Variants in PIF1 observed in about 807,000 individuals in gnomAD.
The protein encoded by PIF1 is PIF1 5'-to-3' DNA helicase.
Under a neutral mutation model 62.3 loss-of-function variants are expected in PIF1, and 67 were observed. That is an observed-to-expected ratio of 1.08 (90% CI 0.88 to 1.32). PIF1 has a LOEUF of 1.32. Ranked by LOEUF, PIF1 falls within the 40% of genes most tolerant of loss-of-function variation. The probability of loss-of-function intolerance (pLI) is 0.00; values close to 1 mark genes in which losing one functional copy is unlikely to be tolerated. For missense variants in PIF1, 886 were observed against 866.1 expected (o/e 1.02, Z -0.29); for synonymous variants, 364 against 379.5 (o/e 0.96, Z 0.47).
rs2084337808 is a variant in PIF1 at position 64,824,353 on chromosome 15, G to A, written c.-18C>T. 12 of 1,245,038 alleles carry A rather than the reference G, an allele frequency of 9.6e-6. No homozygotes were observed. Among genetic ancestry groups the A allele is most frequent in the Non-Finnish European group, 1.2e-5 (12 of 994,202 alleles). The allele number at this position is 1,245,038 out of a possible 1,614,324, so 77.1% of individuals were successfully genotyped here. On this transcript the variant is annotated splice_region_variant and 5_prime_UTR_variant, in exon 2 of 13. Coordinates refer to ENST00000559239, the MANE Select transcript of PIF1 (RefSeq NM_001286496.2). ...GAGAGCATCGTCACCGCCTCTGCTG[G>A]TCTGCGAAGACACCGGAGCACAGGG...
In PIF1 at chr15:64,823,968, T is replaced by C; in HGVS notation, c.368A>G (p.Lys123Arg). The C allele has an allele frequency of 7.7e-7, 1 of 1,303,848 alleles. No individual in the cohort carries two copies. The highest frequency in any genetic ancestry group is 9.8e-7 in the Non-Finnish European group (1 of 1,025,066). The allele number at this position is 1,303,848 out of a possible 1,614,324, so 80.8% of individuals were successfully genotyped here. A position where few individuals can be genotyped will look rare whatever the true frequency, so the allele number is the denominator to read the frequency against. The change falls in exon 2 of 13, where the codon AAG (lysine) becomes AGG (arginine). Residue 123 changes from lysine to arginine, a missense_variant. Lys to Arg is a conservative substitution (Grantham distance 26). Transcript: ENST00000559239. ...CCCGGGACCCGGGGCCGCAGCCAGC[T>C]TGAGGCGCAATGTGCGCAGGAAGCG... ...LRRFLRTLRL[K>R]LAAAPGPGPA... is the part of the protein sequence containing the mutation.
intron 9 of PIF1, chr15:64,818,896 C>A: frequency 2.3e-6 from 1 of 442,828 alleles, no homozygotes; most frequent in Non-Finnish European, 3.9e-6. Context: ...AAGAAATTTG[C>A]CCAAAACAAC....
intron 4 of PIF1, 136 bp downstream of exon 4, chr15:64,822,130 C>G: frequency 8.7e-7 from 1 of 1,149,780 alleles, no homozygotes; most frequent in Non-Finnish European, 1.2e-6. Context: ...CCACCTTGGC[C>G]TCCTAAAGTT....
intron 1 of PIF1, among the ~76,000 whole-genome samples, chr15:64,824,606 G>A (rs988878251): frequency 3.3e-5 from 5 of 151,992 alleles, no homozygotes; most frequent in Non-Finnish European, 7.4e-5. Context: ...AGCACTTTGG[G>A]AGGCTAAAGT....
At chr15:64,819,709 A>G in intron 8 of PIF1, 138 bp downstream of exon 8, 1 of 1,140,012 alleles carries the variant, frequency 8.8e-7, no homozygotes, top group Non-Finnish European at 1.2e-6. Context: ...TCAAAGTCAC[A>G]GTTGCATTTG....
In PIF1 at chr15:64,815,917, C is replaced by T; in HGVS notation, c.*381G>A. ...AAGAGCCCTGATGCTGCTTCCGGAG[C>T]ACCTGTCTTCATTGCCTCTCCCTTC... On this transcript the variant is annotated 3_prime_UTR_variant, in exon 13 of 13. Transcript: ENST00000559239. The T allele has an allele frequency of 6.4e-7, 1 of 1,550,456 alleles. No homozygotes were observed. Among genetic ancestry groups the T allele is most frequent in the Non-Finnish European group, 8.7e-7 (1 of 1,146,932 alleles).
chr15:64,826,665 T>TATATATATATATATATATACACAC (rs796684934), upstream of PIF1, among the ~76,000 whole-genome samples: 2 of 42,792 alleles, frequency 4.7e-5, no homozygotes, highest in Non-Finnish European at 8.5e-5. Flanking sequence ...TATATATATA[T>TATATATATATATATATATACACAC]ACACACACAC....
chr15:64,816,055 A>C lies in PIF1; in HGVS notation c.*243T>G. 1 of 1,461,786 alleles carries C rather than the reference A, an allele frequency of 6.8e-7. No homozygotes were observed. The highest frequency in any genetic ancestry group is 1.4e-5 in the African/African-American group (1 of 70,536). 90.6% of individuals were successfully genotyped at this position (1,461,786 alleles called of 1,614,324 possible). A position where few individuals can be genotyped will look rare whatever the true frequency, so the allele number is the denominator to read the frequency against. Reference sequence around the variant, plus strand: ...ACAGGCTCATTCTCAACTGGCACAGAAAGGGTTACTTCTGACCCTACAGCA... The same window carrying C: ...ACAGGCTCATTCTCAACTGGCACAGCAAGGGTTACTTCTGACCCTACAGCA... On this transcript the variant is annotated 3_prime_UTR_variant, in exon 13 of 13. Coordinates refer to ENST00000559239, the MANE Select transcript of PIF1 (RefSeq NM_001286496.2).
rs1463808983 is a variant in PIF1 at position 64,824,086 on chromosome 15, C to G, written c.250G>C (p.Gly84Arg). 3.9e-6 allele frequency: 5 copies of G among 1,267,024 alleles called. No homozygotes were observed. Among genetic ancestry groups the G allele is most frequent in the South Asian group, 5.6e-5 (2 of 35,786 alleles). 78.5% of individuals were successfully genotyped at this position (1,267,024 alleles called of 1,614,324 possible). A position where few individuals can be genotyped will look rare whatever the true frequency, so the allele number is the denominator to read the frequency against. ...GCGGGGAGCCGCAGGGTGCTGCGCC[C>G]GGCCTCGGCGAAACGCGTGAAGAGG... The part of the protein sequence containing the change: ...ARLFTRFAEA[G>R]RSTLRLPAHD... The change falls in exon 2 of 13, where the codon GGG (glycine) becomes CGG (arginine). Residue 84 changes from glycine (G) to arginine (R), a missense_variant. Transcript: ENST00000559239.
intron 7 of PIF1, 79 bp from the exon 8 acceptor site, chr15:64,820,065 A>C (rs2141109638): frequency 6.5e-7 from 1 of 1,541,680 alleles, no homozygotes; most frequent in South Asian, 1.2e-5. Flanking sequence ...TGGCTCAAGC[A>C]GCAGGCCATG....
At chr15:64,826,349 A>G (rs1179850395), upstream of PIF1, among the ~76,000 whole-genome samples, 2 of 151,852 alleles carry the variant, frequency 1.3e-5, no homozygotes, top group Admixed American at 6.6e-5. Context: ...TTGGAATTAC[A>G]TAGCTGGAAA....
rs889798199 is a variant in PIF1, at chr15:64,819,731, G to A, written c.1333+116C>T. On this transcript the variant is annotated intron_variant, in intron 8 of 12. Transcript: ENST00000559239. ...CACAGTTGCATTTGCAAATATGAGG[G>A]CCTTTATGGCTTCAGAGGTTGGGGG... The A allele has an allele frequency of 6.6e-6, 9 of 1,370,490 alleles. No individual in the cohort carries two copies. The African/African-American group carries it at 1.0e-4, about 15-fold the overall frequency. The allele number at this position is 1,370,490 out of a possible 1,614,324, so 84.9% of individuals were successfully genotyped here. A position where few individuals can be genotyped will look rare whatever the true frequency, so the allele number is the denominator to read the frequency against.
Position 64,821,166 on chromosome 15 carries a change from C to T in PIF1, c.1086+1G>A. On this transcript the variant is annotated splice_donor_variant, in intron 6 of 12. Transcript: ENST00000559239. LOFTEE classifies it high-confidence loss of function. ...GAGCAGAGCTAGGAGGTGAGTAATA[C>T]CTGGAAGCAGAACCGTGGGGGCTGG... The T allele has an allele frequency of 1.2e-6, 2 of 1,614,098 alleles. No homozygotes were observed. The highest frequency in any genetic ancestry group is 1.7e-6 in the Non-Finnish European group (2 of 1,180,002).
At position 64,821,403 on chromosome 15, in the gene PIF1, T is replaced by C; in HGVS notation, c.935A>G (p.Glu312Gly). 1.2e-6 allele frequency: 2 copies of C among 1,614,134 alleles called. No individual in the cohort carries two copies. Among genetic ancestry groups the C allele is most frequent in the South Asian group, 2.2e-5 (2 of 91,080 alleles). ...RLVIDEISMV[E>G]ADLFDKLEAV... ...CTCCAGTTTGTCAAACAGGTCTGCC[T>C]CCACCATTGAGATCTCGTCAATGAC... The change falls in exon 5 of 13, where the codon GAG becomes GGG. Residue 312 changes from glutamate (E) to glycine (G), a missense_variant. Transcript: ENST00000559239.
At chr15:64,818,923 C>G in intron 9 of PIF1, 194 bp downstream of exon 9, 1 of 476,772 alleles carries the variant, frequency 2.1e-6, no homozygotes, top group South Asian at 4.0e-5. Context: ...TGGAGGACCT[C>G]CTGGTGTAGG....
At chr15:64,821,902 G>C (rs553419327) in intron 4 of PIF1, 27 of 283,818 alleles carry the variant, frequency 9.5e-5, no homozygotes, top group Non-Finnish European at 1.4e-4. Context: ...ACCATGCCTG[G>C]CTAATTTTTT....
At chr15:64,823,734 T>A (rs2084322350) in intron 2 of PIF1, 44 bp downstream of exon 2, 1 of 1,270,696 alleles carries the variant, frequency 7.9e-7, no homozygotes, top group Non-Finnish European at 1.0e-6. Context: ...TCTTAAAGAA[T>A]GGCACATCTA....
At chr15:64,818,413 G>C (rs998500764) in intron 9 of PIF1, 69 bp from the exon 10 acceptor site, 2 of 1,448,930 alleles carry the variant, frequency 1.4e-6, no homozygotes, top group East Asian at 2.3e-5. Flanking sequence ...CGCCATGGCT[G>C]TTCTCAGAGG....
chr15:64,820,168 A>C, intron 7 of PIF1, 182 bp from the exon 8 acceptor site: 1 of 687,254 alleles, frequency 1.5e-6, no homozygotes, highest in Non-Finnish European at 2.4e-6. Flanking sequence ...GACCCCAAAC[A>C]TGGGGAATAA....
Sources: allele counts gnomAD v4.1 joint callset (sites outside exome capture counted in the v4.1 genomes callset), GRCh38; gene constraint gnomAD v4.1.1; transcripts MANE v1.5; gene names NCBI Gene and HGNC (gene_info 2026-07-23, HGNC 2026-07-21).